Variants in GNL1 observed in about 807,000 individuals in gnomAD.
GNL1 encodes G protein nucleolar 1.
A neutral mutation model predicts 75.2 loss-of-function variants in GNL1; 21 were observed. That is an observed-to-expected ratio of 0.28 (90% CI 0.20 to 0.40). GNL1 has a LOEUF of 0.40. GNL1 is among the 10% of genes least tolerant of loss of function. The pLI, the probability that GNL1 is intolerant of heterozygous loss-of-function variation, is 1.00. For missense variants in GNL1, 579 were observed against 775.0 expected (o/e 0.75, Z 3.00); for synonymous variants, 287 against 303.4 (o/e 0.95, Z 0.56).
At position 30,541,734 on chromosome 6, in the gene GNL1, A is replaced by AT. The variant is rs1303403984; in HGVS notation, c.*4337dup. ...AACTGAGTTTGTATTAGAATTTATA[A>AT]TTTTTACTGCATATTGCAGTTACTC... On this transcript the variant is annotated 3_prime_UTR_variant, in exon 12 of 12. Coordinates refer to ENST00000376621, the MANE Select transcript of GNL1 (RefSeq NM_005275.5). 2 of 152,144 alleles carry AT rather than the reference A, an allele frequency of 1.3e-5. No homozygotes were observed. Among genetic ancestry groups the AT allele is most frequent in the Non-Finnish European group, 2.9e-5 (2 of 68,010 alleles). The allele number at this position is 152,144 out of a possible 1,614,324, so 9.4% of individuals were successfully genotyped here.
Position 30,545,994 on chromosome 6 carries a change from G to T in GNL1, c.*78C>A. On this transcript the variant is annotated 3_prime_UTR_variant, in exon 12 of 12. Transcript: ENST00000376621. ...AGCAAACAATCTTTATTCACAATTG[G>T]GGTGGCAGAGGGGAGATACCCCCAG... 1 of 957,146 alleles carries T rather than the reference G, an allele frequency of 1.0e-6. No individual in the cohort carries two copies. Among genetic ancestry groups the T allele is most frequent in the Non-Finnish European group, 1.6e-6 (1 of 619,358 alleles). The allele number at this position is 957,146 out of a possible 1,614,324, so 59.3% of individuals were successfully genotyped here.
At position 30,555,984 on chromosome 6, in the gene GNL1, GT is replaced by G; in HGVS notation, c.73+146del. 9.9e-7 allele frequency: 1 copy of G among 1,015,106 alleles called. No homozygotes were observed. The highest frequency in any genetic ancestry group is 1.5e-6 in the Non-Finnish European group (1 of 681,374). The allele number at this position is 1,015,106 out of a possible 1,614,324, so 62.9% of individuals were successfully genotyped here. On this transcript the variant is annotated intron_variant, in intron 1 of 11. Coordinates refer to ENST00000376621, the MANE Select transcript of GNL1 (RefSeq NM_005275.5). This position sits in a 1 kb window ranked among gnomAD's most constrained non-coding sequence, Gnocchi z 4.3. ...CCCACCCCTTCCAGATGTAGGGGGG[GT>G]GGGGGATCCCCTCCGCGATAGGCCG...
intron 8 of GNL1, among the ~76,000 whole-genome samples, chr6:30,550,087 A>G (rs552059766): frequency 6.6e-6 from 1 of 152,158 alleles, no homozygotes; most frequent in Non-Finnish European, 1.5e-5. Context: ...CAGCCTCCCA[A>G]AGGGCTGGGA....
Position 30,543,777 on chromosome 6 carries a change from C to T in GNL1, c.*2295G>A, listed in dbSNP as rs1799301535. On this transcript the variant is annotated 3_prime_UTR_variant, in exon 12 of 12. Coordinates refer to ENST00000376621, the MANE Select transcript of GNL1 (RefSeq NM_005275.5). ...GGCCAGATAATTGAACTATCCTGGACCACACACAGCTACCCTGTTCCAGAA... is the reference window on the plus strand; with the variant it reads ...GGCCAGATAATTGAACTATCCTGGATCACACACAGCTACCCTGTTCCAGAA... 1 of 152,056 alleles carries T rather than the reference C, an allele frequency of 6.6e-6. No individual in the cohort carries two copies. Among genetic ancestry groups the T allele is most frequent in the Admixed American group, 6.6e-5 (1 of 15,262 alleles). The allele number at this position is 152,056 out of a possible 1,614,324, so 9.4% of individuals were successfully genotyped here.
Position 30,555,546 on chromosome 6 carries a change from C to T in GNL1, c.239+9G>A, listed in dbSNP as rs1057312571. On this transcript the variant is annotated intron_variant, in intron 2 of 11. Coordinates refer to ENST00000376621, the MANE Select transcript of GNL1 (RefSeq NM_005275.5). The surrounding 1 kb of genome is among the most constrained non-coding windows in gnomAD (Gnocchi z 4.3). ...GAAAGCCGGGACCAGCGCCCCCTCC[C>T]ACCCTCACCGATTTGGGTCGTAGCC... is the stretch of plus-strand genomic sequence containing the variant. The T allele has an allele frequency of 3.1e-6, 5 of 1,610,528 alleles. No individual in the cohort carries two copies. In the African/African-American group the frequency reaches 6.7e-5, roughly 22 times the overall value.
At position 30,555,835 on chromosome 6, in the gene GNL1, C is replaced by G; in HGVS notation, c.74-115G>C. ...ACTCAACTTCTTCCGATGTTCAGTCCTCCCAGACACCCTATTTGGGACCCT... is the reference window on the plus strand; with the variant it reads ...ACTCAACTTCTTCCGATGTTCAGTCGTCCCAGACACCCTATTTGGGACCCT... On this transcript the variant is annotated intron_variant, in intron 1 of 11. Coordinates refer to ENST00000376621, the MANE Select transcript of GNL1 (RefSeq NM_005275.5). The surrounding 1 kb of genome is among the most constrained non-coding windows in gnomAD (Gnocchi z 4.3). The G allele has an allele frequency of 8.9e-7, 1 of 1,129,880 alleles. No homozygotes were observed. The highest frequency in any genetic ancestry group is 1.3e-6 in the Non-Finnish European group (1 of 785,276). 70.0% of individuals were successfully genotyped at this position (1,129,880 alleles called of 1,614,324 possible). A position where few individuals can be genotyped will look rare whatever the true frequency, so the allele number is the denominator to read the frequency against.
Position 30,555,574 on chromosome 6 carries a change from G to T in GNL1, c.220C>A (p.Arg74=), listed in dbSNP as rs1267480420. The change falls in exon 2 of 12, where the codon CGA becomes AGA. Residue 74 remains arginine, a synonymous_variant. Coordinates refer to ENST00000376621, the MANE Select transcript of GNL1 (RefSeq NM_005275.5). This position sits in a 1 kb window ranked among gnomAD's most constrained non-coding sequence, Gnocchi z 4.3. ...NQQPSQGLGP[R]GYDPNRYRLH... ...CCTCACCGATTTGGGTCGTAGCCTCGTGGACCCAGCCCCTGAGAAGGCTGC... is the reference window on the plus strand; with the variant it reads ...CCTCACCGATTTGGGTCGTAGCCTCTTGGACCCAGCCCCTGAGAAGGCTGC... 1 of 1,613,634 alleles carries T rather than the reference G, an allele frequency of 6.2e-7. No individual in the cohort carries two copies. Among genetic ancestry groups the T allele is most frequent in the Non-Finnish European group, 8.5e-7 (1 of 1,179,826 alleles).
chr6:30,543,711 T>C lies in GNL1; in HGVS notation c.*2361A>G, dbSNP rs1799298441. ...TCTGGCATATATTGTTTTTAACCAA[T>C]TTTTGTTGACTGTATCAATGATTGT... On this transcript the variant is annotated 3_prime_UTR_variant, in exon 12 of 12. Transcript: ENST00000376621. 6.6e-6 allele frequency: 1 copy of C among 152,188 alleles called. No individual in the cohort carries two copies. The highest frequency in any genetic ancestry group is 1.5e-5 in the Non-Finnish European group (1 of 68,034). The allele number at this position is 152,188 out of a possible 1,614,324, so 9.4% of individuals were successfully genotyped here.
rs375039266 is a variant in GNL1, at chr6:30,555,521, G to A, written c.239+34C>T. The A allele has an allele frequency of 1.7e-4, 270 of 1,588,730 alleles. No individual in the cohort carries two copies. In the African/African-American group the frequency reaches 3.1e-3, roughly 18 times the overall value. ...AAAGCTCTGACTTCCGGGTAGGCGG[G>A]AAAGCCGGGACCAGCGCCCCCTCCC... is the stretch of plus-strand genomic sequence containing the variant. On this transcript the variant is annotated intron_variant, in intron 2 of 11. Coordinates refer to ENST00000376621, the MANE Select transcript of GNL1 (RefSeq NM_005275.5). This position sits in a 1 kb window ranked among gnomAD's most constrained non-coding sequence, Gnocchi z 4.3.
At position 30,555,896 on chromosome 6, in the gene GNL1, A is replaced by G. The variant is rs1405737617; in HGVS notation, c.74-176T>C. The G allele has an allele frequency of 1.3e-6, 1 of 799,984 alleles. No individual in the cohort carries two copies. The highest frequency in any genetic ancestry group is 1.7e-5 in the African/African-American group (1 of 58,178). 49.6% of individuals were successfully genotyped at this position (799,984 alleles called of 1,614,324 possible). ...CGTGGGGGGAGTCACTCCTTCAGGG[A>G]GCAGTGGGGACGGCGCCCCGTGCTA... On this transcript the variant is annotated intron_variant, in intron 1 of 11. Coordinates refer to ENST00000376621, the MANE Select transcript of GNL1 (RefSeq NM_005275.5). The surrounding 1 kb of genome is among the most constrained non-coding windows in gnomAD (Gnocchi z 4.3).
At position 30,555,095 on chromosome 6, in the gene GNL1, C is replaced by A. The variant is rs151224363; in HGVS notation, c.336G>T (p.Leu112Phe). The change falls in exon 3 of 12, where the codon TTG (leucine) becomes TTT (phenylalanine). Residue 112 changes from leucine to phenylalanine, a missense_variant. Physicochemically the swap from Leu to Phe is conservative, Grantham distance 22. Transcript: ENST00000376621. This position sits in a 1 kb window ranked among gnomAD's most constrained non-coding sequence, Gnocchi z 4.3. ...ACACCTCCCGGATGTCCAGCTCCAA[C>A]AACTCAGCACTGACCGGCTGTAGAA... ...EQVLQPVSAE[L>F]LELDIREVYQ... 1 of 1,613,014 alleles carries A rather than the reference C, an allele frequency of 6.2e-7. No individual in the cohort carries two copies. The highest frequency in any genetic ancestry group is 1.1e-5 in the South Asian group (1 of 91,074).
In GNL1 at chr6:30,552,102, A is replaced by C. The variant is rs1799819895; in HGVS notation, c.1099+365T>G. 4.3e-6 allele frequency: 1 copy of C among 231,502 alleles called. No homozygotes were observed. The highest frequency in any genetic ancestry group is 8.4e-6 in the Non-Finnish European group (1 of 119,178). The allele number at this position is 231,502 out of a possible 1,614,324, so 14.3% of individuals were successfully genotyped here. ...TAGTCTTGAGCTCCTGGTCTCAAGC[A>C]ATCCTCCCACCTCAGCCTCCCAAAG... On this transcript the variant is annotated intron_variant, in intron 8 of 11. Transcript: ENST00000376621. This position sits in a 1 kb window ranked among gnomAD's most constrained non-coding sequence, Gnocchi z 4.5.
Position 30,545,874 on chromosome 6 carries a change from A to G in GNL1, c.*198T>C, listed in dbSNP as rs1397619599. The G allele has an allele frequency of 8.9e-6, 5 of 560,394 alleles. No individual in the cohort carries two copies. Among genetic ancestry groups the G allele is most frequent in the Non-Finnish European group, 1.5e-5 (5 of 323,386 alleles). 34.7% of individuals were successfully genotyped at this position (560,394 alleles called of 1,614,324 possible). On this transcript the variant is annotated 3_prime_UTR_variant, in exon 12 of 12. Coordinates refer to ENST00000376621, the MANE Select transcript of GNL1 (RefSeq NM_005275.5). ...GAACTTTCCCTTGCAAAGAGAATGC[A>G]TGAAAAAAGAAGGGAGAAGAGGAGA...
Position 30,555,548 on chromosome 6 carries a change from C to G in GNL1, c.239+7G>C. 6.2e-7 allele frequency: 1 copy of G among 1,611,298 alleles called. No homozygotes were observed. Among genetic ancestry groups the G allele is most frequent in the East Asian group, 2.2e-5 (1 of 44,834 alleles). On this transcript the variant is annotated splice_region_variant and intron_variant, in intron 2 of 11. Coordinates refer to ENST00000376621, the MANE Select transcript of GNL1 (RefSeq NM_005275.5). The surrounding 1 kb of genome is among the most constrained non-coding windows in gnomAD (Gnocchi z 4.3). ...AAGCCGGGACCAGCGCCCCCTCCCA[C>G]CCTCACCGATTTGGGTCGTAGCCTC...
chr6:30,547,841 G>GT lies in GNL1; in HGVS notation c.1100-312dup. On this transcript the variant is annotated intron_variant, in intron 8 of 11. Transcript: ENST00000376621. This position sits in a 1 kb window ranked among gnomAD's most constrained non-coding sequence, Gnocchi z 5.5. Reference sequence around the variant, plus strand: ...TGTGTGGGTCAGTGCCTGCAGTACAGTAAGTACCCAGTACCAGTGATCCAC... The same window carrying GT: ...TGTGTGGGTCAGTGCCTGCAGTACAGTTAAGTACCCAGTACCAGTGATCCAC... The GT allele has an allele frequency of 2.3e-6, 1 of 431,020 alleles. No individual in the cohort carries two copies. Among genetic ancestry groups the GT allele is most frequent in the Non-Finnish European group, 4.1e-6 (1 of 243,418 alleles). The allele number at this position is 431,020 out of a possible 1,614,324, so 26.7% of individuals were successfully genotyped here. A position where few individuals can be genotyped will look rare whatever the true frequency, so the allele number is the denominator to read the frequency against.
chr6:30,553,893 G>GCACAACTATGTAAGTGTGTA (rs1799962588), intron 5 of GNL1, among the ~76,000 whole-genome samples: 1 of 152,236 alleles, frequency 6.6e-6, no homozygotes, highest in African/African-American at 2.4e-5. Flanking sequence ...TTTTGTGTGT[G>GCACAACTATGTAAGTGTGTA]CACAACTATG....
In GNL1 at chr6:30,555,925, G is replaced by T; in HGVS notation, c.74-205C>A. 1.2e-6 allele frequency: 1 copy of T among 801,316 alleles called. No homozygotes were observed. The highest frequency in any genetic ancestry group is 2.0e-6 in the Non-Finnish European group (1 of 504,312). 49.6% of individuals were successfully genotyped at this position (801,316 alleles called of 1,614,324 possible). On this transcript the variant is annotated intron_variant, in intron 1 of 11. Coordinates refer to ENST00000376621, the MANE Select transcript of GNL1 (RefSeq NM_005275.5). This position sits in a 1 kb window ranked among gnomAD's most constrained non-coding sequence, Gnocchi z 4.3. ...GTGGGGACGGCGCCCCGTGCTAGCT[G>T]GAGGGATTCCCCTCCCCCAACTCTC...
chr6:30,545,973 A>G lies in GNL1; in HGVS notation c.*99T>C. ...CATCTGGGGAAGGGGCTACAAAGCAAACAATCTTTATTCACAATTGGGGTG... is the reference window on the plus strand; with the variant it reads ...CATCTGGGGAAGGGGCTACAAAGCAGACAATCTTTATTCACAATTGGGGTG... On this transcript the variant is annotated 3_prime_UTR_variant, in exon 12 of 12. Coordinates refer to ENST00000376621, the MANE Select transcript of GNL1 (RefSeq NM_005275.5). 2.3e-6 allele frequency: 2 copies of G among 875,014 alleles called. No individual in the cohort carries two copies. Among genetic ancestry groups the G allele is most frequent in the Non-Finnish European group, 1.8e-6 (1 of 552,502 alleles). 54.2% of individuals were successfully genotyped at this position (875,014 alleles called of 1,614,324 possible). A position where few individuals can be genotyped will look rare whatever the true frequency, so the allele number is the denominator to read the frequency against.
At chr6:30,549,376 A>T (rs1360662393) in intron 8 of GNL1, among the ~76,000 whole-genome samples, 2 of 152,086 alleles carry the variant, frequency 1.3e-5, no homozygotes, top group Non-Finnish European at 2.9e-5. Flanking sequence ...AACTCCTTAC[A>T]TTTCTCTTTA....
Sources: allele counts gnomAD v4.1 joint callset (sites outside exome capture counted in the v4.1 genomes callset), GRCh38; gene constraint gnomAD v4.1.1; non-coding constraint Gnocchi (gnomAD v3.1); transcripts MANE v1.5; gene names NCBI Gene and HGNC (gene_info 2026-07-23, HGNC 2026-07-21).